Variants in FRMPD4 observed in about 807,000 individuals in gnomAD.
FRMPD4 encodes the protein FERM and PDZ domain-containing protein 4.
Under a neutral mutation model 94.1 loss-of-function variants are expected in FRMPD4, and 22 were observed. The observed-to-expected ratio is 0.23, with a 90% CI of 0.17 to 0.33. The LOEUF is 0.33. FRMPD4 is among the 10% of genes least tolerant of loss of function. FRMPD4 has a pLI of 1.00. For missense variants in FRMPD4, 1,111 were observed against 1,339.9 expected (o/e 0.83, Z 2.67); for synonymous variants, 631 against 548.6 (o/e 1.15, Z -2.10).
rs866865749 is a variant in FRMPD4, at chrX:12,332,203, T to G, written c.42-166477T>G. ...ATAATTTATATTTTATATATATATATATATAGAGAGAGAGAGAGAGAGAGA... is the reference window on the plus strand; with the variant it reads ...ATAATTTATATTTTATATATATATAGATATAGAGAGAGAGAGAGAGAGAGA... On this transcript the variant is annotated intron_variant, in intron 1 of 16. Transcript: ENST00000675598. Among the ~76,000 whole-genome samples the G allele has an allele frequency of 4.7e-3, 322 of 67,905 alleles. 3 individuals are homozygous for G. The highest frequency in any genetic ancestry group is 0.012 in the South Asian group (21 of 1,707). 59.0% of individuals were successfully genotyped at this position (67,905 alleles called of 115,157 possible).
intron 3 of FRMPD4, among the ~76,000 whole-genome samples, chrX:11,891,251 G>C (rs1364671198): frequency 8.9e-6 from 1 of 112,579 alleles, no homozygotes; most frequent in Non-Finnish European, 1.9e-5. Flanking sequence ...GGGGAGCCAT[G>C]GGAAGGAGCA....
At chrX:12,307,405 G>A (rs1375983948) in intron 1 of FRMPD4, among the ~76,000 whole-genome samples, 2 of 112,606 alleles carry the variant, frequency 1.8e-5, no homozygotes, top group East Asian at 5.6e-4. Context: ...CATCATATGA[G>A]TATAGCACAA....
chrX:12,277,839 C>G (rs1050108659), intron 1 of FRMPD4, among the ~76,000 whole-genome samples: 1 of 112,141 alleles, frequency 8.9e-6, no homozygotes, highest in Non-Finnish European at 1.9e-5. Flanking sequence ...GGTTTCATTA[C>G]AAGAGCTCAA....
At chrX:12,655,818 C>G (rs2059649044) in intron 4 of FRMPD4, among the ~76,000 whole-genome samples, 1 of 112,119 alleles carries the variant, frequency 8.9e-6, no homozygotes, top group Non-Finnish European at 1.9e-5. Context: ...TTACCCCTTT[C>G]CTTTCCCAAA....
At chrX:12,553,161 A>G (rs1344296941) in intron 2 of FRMPD4, among the ~76,000 whole-genome samples, 1 of 86,077 alleles carries the variant, frequency 1.2e-5, no homozygotes, top group Admixed American at 1.4e-4. Context: ...CTTGGAAAGT[A>G]AGTAAAGTAA....
At chrX:12,446,965 A>C (rs2057204553) in intron 1 of FRMPD4, among the ~76,000 whole-genome samples, 1 of 111,421 alleles carries the variant, frequency 9.0e-6, no homozygotes, top group East Asian at 2.8e-4. Context: ...GCAATCTTGC[A>C]TAGCAAAGTT....
chrX:12,335,902 T>G (rs1267869708), intron 1 of FRMPD4, among the ~76,000 whole-genome samples: 2 of 112,224 alleles, frequency 1.8e-5, no homozygotes, highest in Admixed American at 9.4e-5. Context: ...TTCGCCTCAA[T>G]CACCTTACTT....
intron 3 of FRMPD4, among the ~76,000 whole-genome samples, chrX:12,048,913 A>G (rs1316887544): frequency 9.0e-6 from 1 of 111,493 alleles, no homozygotes; most frequent in Non-Finnish European, 1.9e-5. Context: ...TTAAAGTTGG[A>G]TAATGTGATG....
At chrX:12,019,167 A>ATTTTT (rs201291254) in intron 3 of FRMPD4, among the ~76,000 whole-genome samples, 1 of 100,663 alleles carries the variant, frequency 9.9e-6, no homozygotes, top group African/African-American at 3.6e-5. Context: ...TTGTTTAGAG[A>ATTTTT]TTTTTTTTTT....
chrX:12,508,859 G>A (rs975935646), intron 2 of FRMPD4, among the ~76,000 whole-genome samples: 1 of 108,670 alleles, frequency 9.2e-6, no homozygotes, highest in Non-Finnish European at 1.9e-5. Flanking sequence ...AGGCATGGTG[G>A]TGCGTGCCTA....
intron 1 of FRMPD4, among the ~76,000 whole-genome samples, chrX:12,463,681 G>T (rs113463488): frequency 4.7e-4 from 24 of 51,029 alleles, no homozygotes; most frequent in African/African-American, 1.5e-3. Flanking sequence ...CTATGTGTGT[G>T]TTTTTTTTTT....
chrX:12,082,246 C>T (rs1340924101), intron 3 of FRMPD4, among the ~76,000 whole-genome samples: 1 of 111,339 alleles, frequency 9.0e-6, no homozygotes, highest in Non-Finnish European at 1.9e-5. Context: ...TGGGAAAGAC[C>T]AGGGGGATGT....
chrX:12,312,284 GCT>G (rs2055046116), intron 1 of FRMPD4, among the ~76,000 whole-genome samples: 1 of 77,612 alleles, frequency 1.3e-5, no homozygotes, highest in Non-Finnish European at 2.3e-5. Context: ...ATGGAGTCTC[GCT>G]CTGTTGCCCA....
At chrX:12,561,796 ACT>A (rs2058662555) in intron 2 of FRMPD4, among the ~76,000 whole-genome samples, 1 of 111,916 alleles carries the variant, frequency 8.9e-6, no homozygotes, top group Non-Finnish European at 1.9e-5. Context: ...AGTGACAGAA[ACT>A]CTGACTCAAA....
intron 1 of FRMPD4, among the ~76,000 whole-genome samples, chrX:12,315,201 T>A (rs1569228401): frequency 1.8e-5 from 2 of 112,575 alleles, no homozygotes. Context: ...TAATGTCTTG[T>A]GTGATTAAGT....
chrX:11,925,424 C>G (rs984051681), intron 3 of FRMPD4, among the ~76,000 whole-genome samples: 2 of 112,078 alleles, frequency 1.8e-5, no homozygotes, highest in Admixed American at 1.9e-4. Flanking sequence ...CTACAGAACT[C>G]TCTACCCCAA....
intron 3 of FRMPD4, among the ~76,000 whole-genome samples, chrX:12,125,653 C>A (rs191436827): frequency 5.3e-4 from 59 of 111,719 alleles, no homozygotes; most frequent in Non-Finnish European, 1.9e-4. Flanking sequence ...TCACTCCAGA[C>A]AGGGTAAAGT....
intron 3 of FRMPD4, among the ~76,000 whole-genome samples, chrX:11,932,335 A>G (rs2054126778): frequency 1.8e-5 from 2 of 112,088 alleles, no homozygotes; most frequent in South Asian, 7.4e-4. Flanking sequence ...TCATTCGTAA[A>G]TCACACTGTT....
At chrX:11,944,898 A>G (rs1236219415) in intron 3 of FRMPD4, among the ~76,000 whole-genome samples, 2 of 112,499 alleles carry the variant, frequency 1.8e-5, no homozygotes, top group Admixed American at 9.4e-5. Context: ...AGGAAAGAGA[A>G]CTGGAAAATA....
Sources: gnomAD v4.1 joint callset for allele counts (sites outside exome capture counted in the v4.1 genomes callset) on GRCh38, gnomAD v4.1.1 for gene constraint, MANE v1.5 for transcripts, NCBI Gene and HGNC (gene_info 2026-07-23, HGNC 2026-07-21) for gene names.